Variants in STK24 observed in about 807,000 individuals in gnomAD.
The protein encoded by STK24 is serine/threonine-protein kinase 24.
Under a neutral mutation model 55.6 loss-of-function variants are expected in STK24, and 21 were observed. The observed-to-expected ratio is 0.38, with a 90% confidence interval of 0.27 to 0.54. The LOEUF is 0.54. Among genes scored for constraint, STK24 ranks in the 20% least tolerant of loss-of-function variants. The probability of loss-of-function intolerance (pLI) is 0.79; values close to 1 mark genes in which losing one functional copy is unlikely to be tolerated. For synonymous variants in STK24, 200 were observed against 215.2 expected (o/e 0.93, Z 0.62); for missense variants, 383 against 538.4 (o/e 0.71, Z 2.86).
intron 5 of STK24, among the ~76,000 whole-genome samples, chr13:98,474,565 T>TC: frequency 6.6e-6 from 1 of 152,122 alleles, no homozygotes; most frequent in Admixed American, 6.5e-5. Context: ...CCATCCTGTG[T>TC]CCCCGCTGCC....
intron 1 of STK24, among the ~76,000 whole-genome samples, chr13:98,528,630 T>C (rs573324262): frequency 7.9e-5 from 12 of 152,298 alleles, no homozygotes; most frequent in Non-Finnish European, 1.0e-4. Context: ...GACTGAAGTA[T>C]TTTATATTTT....
At chr13:98,467,512 C>T (rs985845633) in intron 5 of STK24, among the ~76,000 whole-genome samples, 1 of 152,096 alleles carries the variant, frequency 6.6e-6, no homozygotes, top group African/African-American at 2.4e-5. Context: ...CTACAACAGT[C>T]CTGTCCCCAG....
chr13:98,558,381 C>T (rs1292187484), intron 1 of STK24, among the ~76,000 whole-genome samples: 1 of 152,146 alleles, frequency 6.6e-6, no homozygotes, highest in East Asian at 1.9e-4. Context: ...AACTACTGAA[C>T]CCACTAGAGG....
At chr13:98,494,429 G>A (rs1422157349) in intron 2 of STK24, among the ~76,000 whole-genome samples, 96 of 53,758 alleles carry the variant, frequency 1.8e-3, no homozygotes, top group Non-Finnish European at 2.9e-3. Flanking sequence ...AAAAAAAAAA[G>A]TGCCTCTAAC....
In STK24 at chr13:98,572,204, G is replaced by A. The variant is rs554107298; in HGVS notation, c.42+4541C>T. 5.3e-5 allele frequency among the ~76,000 whole-genome samples: 8 copies of A among 152,314 alleles called. No homozygotes were observed. The South Asian group carries it at 1.7e-3, about 32-fold the overall frequency. ...TGAGGACAGGATGGACTGAGGCTCT[G>A]AACTCTGCCTCCAACGACTCCGGGC... is the stretch of plus-strand genomic sequence containing the variant. On this transcript the variant is annotated intron_variant, in intron 1 of 10. Coordinates refer to ENST00000539966, the MANE Select transcript of STK24 (RefSeq NM_001032296.4).
intron 3 of STK24, 39 bp from the exon 4 acceptor site, chr13:98,475,397 T>C: frequency 1.4e-6 from 2 of 1,416,728 alleles, no homozygotes; most frequent in Non-Finnish European, 2.0e-6. Context: ...ACTTAAATGA[T>C]TATCTTATGA....
intron 3 of STK24, 81 bp downstream of exon 3, chr13:98,482,184 A>T (rs1459248273): frequency 5.6e-6 from 4 of 714,696 alleles, no homozygotes; most frequent in Non-Finnish European, 9.1e-6. Flanking sequence ...AAAGAAATGG[A>T]TACATGCAAT....
chr13:98,536,560 G>A (rs578217397), intron 1 of STK24, among the ~76,000 whole-genome samples: 2 of 152,002 alleles, frequency 1.3e-5, no homozygotes, highest in African/African-American at 4.8e-5. Context: ...TAGAGACGGG[G>A]TCTATGTTGC....
At chr13:98,516,904 T>G (rs188924447) in intron 2 of STK24, among the ~76,000 whole-genome samples, 1 of 152,246 alleles carries the variant, frequency 6.6e-6, no homozygotes, top group African/African-American at 2.4e-5. Context: ...TAGGCTGATC[T>G]GAAACCTAAC....
Position 98,446,408 on chromosome 13 carries a change from T to C in STK24, c.*6765A>G. The C allele has an allele frequency of 1.7e-6, 1 of 601,770 alleles. No individual in the cohort carries two copies. The highest frequency in any genetic ancestry group is 2.9e-6 in the Non-Finnish European group (1 of 339,070). The allele number at this position is 601,770 out of a possible 1,614,324, so 37.3% of individuals were successfully genotyped here. On this transcript the variant is annotated 3_prime_UTR_variant, in exon 11 of 11. Transcript: ENST00000539966. ...CATTATCATCCACTGAAGGACAACT[T>C]CTGCCCTAGGAAGGGCCACCTGTCT...
rs539991760 is a variant in STK24 at position 98,449,694 on chromosome 13, G to T, written c.*3479C>A. The T allele has an allele frequency of 1.3e-5, 2 of 152,442 alleles. No homozygotes were observed. The highest frequency in any genetic ancestry group is 4.8e-5 in the African/African-American group (2 of 41,336). 9.4% of individuals were successfully genotyped at this position (152,442 alleles called of 1,614,324 possible). ...ATTTGCCTTACAAGATGTACCAGAC[G>T]GTTTCCAGTACTAACAAAGGGAATA... is the stretch of plus-strand genomic sequence containing the variant. On this transcript the variant is annotated 3_prime_UTR_variant, in exon 11 of 11. Coordinates refer to ENST00000539966, the MANE Select transcript of STK24 (RefSeq NM_001032296.4).
At chr13:98,518,418 A>G (rs1896144513) in intron 2 of STK24, among the ~76,000 whole-genome samples, 1 of 152,136 alleles carries the variant, frequency 6.6e-6, no homozygotes, top group Non-Finnish European at 1.5e-5. Flanking sequence ...GAAAATCATC[A>G]TTTCTTTCTT....
chr13:98,492,373 G>A (rs1026735722), intron 2 of STK24, among the ~76,000 whole-genome samples: 2 of 152,224 alleles, frequency 1.3e-5, no homozygotes, highest in Non-Finnish European at 2.9e-5. Context: ...AGTCTAGTGA[G>A]AGGGGCTGGC....
At chr13:98,461,646 A>G in intron 8 of STK24, 128 bp downstream of exon 8, 1 of 1,324,088 alleles carries the variant, frequency 7.6e-7, no homozygotes, top group Non-Finnish European at 1.1e-6. Context: ...CCCATCCCCT[A>G]GCAACAAAAT....
At chr13:98,508,479 G>A (rs1474913899) in intron 2 of STK24, among the ~76,000 whole-genome samples, 1 of 152,196 alleles carries the variant, frequency 6.6e-6, no homozygotes, top group Non-Finnish European at 1.5e-5. Flanking sequence ...CAGCAGAAAA[G>A]AATGCCAATT....
chr13:98,560,643 C>A (rs1410715935), intron 1 of STK24, among the ~76,000 whole-genome samples: 1 of 152,122 alleles, frequency 6.6e-6, no homozygotes, highest in African/African-American at 2.4e-5. Context: ...CTTTGGAAAG[C>A]CGACGTGGGT....
intron 2 of STK24, among the ~76,000 whole-genome samples, chr13:98,499,130 C>T (rs76571864): frequency 0.016 from 2,419 of 152,052 alleles, 67 homozygotes; most frequent in African/African-American, 0.055. Flanking sequence ...CCCAGCTACT[C>T]GGGAGGCTGG....
intron 2 of STK24, among the ~76,000 whole-genome samples, chr13:98,500,950 C>T (rs188873316): frequency 1.3e-5 from 2 of 152,156 alleles, no homozygotes; most frequent in East Asian, 1.9e-4. Context: ...TTTCTTACTA[C>T]ATCTGATGAG....
intron 2 of STK24, among the ~76,000 whole-genome samples, chr13:98,493,679 T>C (rs147753806): frequency 2.1e-3 from 320 of 152,240 alleles, no homozygotes; most frequent in African/African-American, 7.0e-3. Flanking sequence ...TTAATGTCAA[T>C]ATGTAACATG....
Sources: gnomAD v4.1 joint callset for allele counts (sites outside exome capture counted in the v4.1 genomes callset) on GRCh38, gnomAD v4.1.1 for gene constraint, MANE v1.5 for transcripts, NCBI Gene and HGNC (gene_info 2026-07-23, HGNC 2026-07-21) for gene names.